RSPO2: variants seen among roughly 807,000 people sequenced by gnomAD.
RSPO2 encodes the protein R-spondin-2.
In RSPO2, 14 loss-of-function variants were observed where a neutral mutation model predicts 30.9. The observed-to-expected ratio is 0.45, with a 90% CI of 0.30 to 0.71. The LOEUF (loss-of-function observed/expected upper bound fraction) is 0.71, where lower values mean the gene tolerates loss of function less well. RSPO2 is among the 30% of genes least tolerant of loss of function. The pLI is 0.08. For missense variants in RSPO2, 264 were observed against 301.9 expected (o/e 0.87, Z 0.93); for synonymous variants, 107 against 96.4 (o/e 1.11, Z -0.64).
At chr8:108,051,393 A>T (rs895965541) in intron 2 of RSPO2, among the ~76,000 whole-genome samples, 1 of 152,188 alleles carries the variant, frequency 6.6e-6, no homozygotes, top group Non-Finnish European at 1.5e-5. Flanking sequence ...GCAGGGGGAA[A>T]AAACGGCTAC....
intron 3 of RSPO2, among the ~76,000 whole-genome samples, chr8:107,969,880 T>C (rs1586588125): frequency 6.6e-6 from 1 of 152,308 alleles, no homozygotes; most frequent in East Asian, 1.9e-4. Flanking sequence ...CCTTTTATAT[T>C]ACAGTAGAAG....
intron 3 of RSPO2, among the ~76,000 whole-genome samples, chr8:107,977,586 C>G (rs684814): frequency 0.76 from 115,096 of 152,128 alleles, 43,661 homozygotes; most frequent in East Asian, 0.92. Flanking sequence ...AAAAACATAG[C>G]TAAAGTTTGG....
At chr8:108,004,626 C>G (rs983933698) in intron 2 of RSPO2, among the ~76,000 whole-genome samples, 2 of 152,202 alleles carry the variant, frequency 1.3e-5, no homozygotes, top group African/African-American at 4.8e-5. Context: ...TCATGGAAAA[C>G]TGTAAATGGT....
intron 2 of RSPO2, among the ~76,000 whole-genome samples, chr8:108,070,002 A>C (rs1372720540): frequency 1.3e-5 from 2 of 152,238 alleles, no homozygotes; most frequent in Non-Finnish European, 1.5e-5. Flanking sequence ...AGTCATATTG[A>C]AATCTCAAAG....
chr8:107,986,752 C>A (rs1814652414), intron 3 of RSPO2, among the ~76,000 whole-genome samples: 1 of 152,176 alleles, frequency 6.6e-6, no homozygotes, highest in Non-Finnish European at 1.5e-5. Flanking sequence ...CATCTACACT[C>A]TTGCCTTGTC....
At chr8:107,948,393 T>A (rs1813133696) in intron 5 of RSPO2, among the ~76,000 whole-genome samples, 1 of 152,214 alleles carries the variant, frequency 6.6e-6, no homozygotes, top group Non-Finnish European at 1.5e-5. Context: ...TGTAACATAT[T>A]TTTTAAAAGT....
chr8:107,944,354 A>T lies in RSPO2; in HGVS notation c.616+13726T>A, dbSNP rs146760296. On this transcript the variant is annotated intron_variant, in intron 5 of 5. Transcript: ENST00000276659. ...CATGTGCTTATCCACCTTATACTAT[A>T]TTTAAGTATATATAATTTGTATATC... Among the ~76,000 whole-genome samples, 472 of 152,296 alleles carry T rather than the reference A, an allele frequency of 3.1e-3. 1 individual carries two copies. The highest frequency in any genetic ancestry group is 0.014 in the Middle Eastern group (4 of 294).
At chr8:108,000,488 TG>T (rs1460767856) in intron 2 of RSPO2, among the ~76,000 whole-genome samples, 21 of 151,930 alleles carry the variant, frequency 1.4e-4, no homozygotes, top group African/African-American at 4.8e-4. Context: ...AATATTTTTG[TG>T]GGGGACACAT....
intron 2 of RSPO2, among the ~76,000 whole-genome samples, chr8:108,061,636 A>T (rs1268212022): frequency 1.3e-5 from 2 of 151,872 alleles, no homozygotes; most frequent in Non-Finnish European, 2.9e-5. Flanking sequence ...CGAGACAGAA[A>T]GTTAACAAGG....
chr8:107,912,515 C>A, intron 5 of RSPO2, among the ~76,000 whole-genome samples: 1 of 152,134 alleles, frequency 6.6e-6, no homozygotes, highest in Non-Finnish European at 1.5e-5. Context: ...CAAGGTGGAG[C>A]AGGTCACTTG....
intron 2 of RSPO2, among the ~76,000 whole-genome samples, chr8:108,055,086 A>C (rs1812202049): frequency 6.6e-6 from 1 of 152,148 alleles, no homozygotes; most frequent in Non-Finnish European, 1.5e-5. Flanking sequence ...GCACCACTGC[A>C]CTCCAGCCTG....
intron 5 of RSPO2, among the ~76,000 whole-genome samples, chr8:107,911,373 G>C (rs1183758131): frequency 6.6e-6 from 1 of 152,158 alleles, no homozygotes; most frequent in African/African-American, 2.4e-5. Flanking sequence ...ACTAGCCTTG[G>C]CAGGCATCTA....
At chr8:108,054,014 A>C (rs1812157724) in intron 2 of RSPO2, among the ~76,000 whole-genome samples, 1 of 151,690 alleles carries the variant, frequency 6.6e-6, no homozygotes. Flanking sequence ...TTATTTCAGC[A>C]CTCTCTCGAG....
chr8:107,970,853 G>A (rs1261128294), intron 3 of RSPO2, among the ~76,000 whole-genome samples: 1 of 152,206 alleles, frequency 6.6e-6, no homozygotes, highest in Admixed American at 6.5e-5. Context: ...CAGTCCTGTA[G>A]TTTGATATTT....
chr8:108,031,012 T>A (rs867348339), intron 2 of RSPO2, among the ~76,000 whole-genome samples: 11 of 152,338 alleles, frequency 7.2e-5, no homozygotes, highest in Middle Eastern at 3.4e-3. Context: ...AGGATCAAGA[T>A]GACTACTTTA....
intron 3 of RSPO2, among the ~76,000 whole-genome samples, chr8:107,961,581 C>T (rs1178866673): frequency 2.0e-5 from 3 of 152,170 alleles, no homozygotes; most frequent in Non-Finnish European, 4.4e-5. Context: ...GTTTGTGAAA[C>T]AGATGTGCTT....
chr8:107,945,423 T>C (rs763253594), intron 5 of RSPO2, among the ~76,000 whole-genome samples: 1 of 151,808 alleles, frequency 6.6e-6, no homozygotes, highest in African/African-American at 2.4e-5. Context: ...TAATTTTTTG[T>C]ATTTTTAGTA....
intron 5 of RSPO2, among the ~76,000 whole-genome samples, chr8:107,910,000 A>AATATCAAGC (rs1811771739): frequency 6.6e-6 from 1 of 152,198 alleles, no homozygotes; most frequent in Non-Finnish European, 1.5e-5. Context: ...AATGCAGATA[A>AATATCAAGC]ATATCAAGCT....
At chr8:107,920,373 G>A (rs972743372) in intron 5 of RSPO2, among the ~76,000 whole-genome samples, 10 of 151,960 alleles carry the variant, frequency 6.6e-5, no homozygotes, top group African/African-American at 1.9e-4. Context: ...TATTAAGATC[G>A]CTTTGTCATT....
Sources: allele counts gnomAD v4.1 joint callset (sites outside exome capture counted in the v4.1 genomes callset), GRCh38; gene constraint gnomAD v4.1.1; transcripts MANE v1.5; gene names NCBI Gene and HGNC (gene_info 2026-07-23, HGNC 2026-07-21).